The following DONSON variants were observed in gnomAD, a reference collection of about 807,000 sequenced individuals.
The protein encoded by DONSON is DNA replication fork stabilization factor DONSON.
In DONSON, 43 loss-of-function variants were observed where a neutral mutation model predicts 62.1. The ratio of observed to expected loss-of-function variants is 0.69; its 90% CI spans 0.54 to 0.89. The LOEUF (loss-of-function observed/expected upper bound fraction) is 0.89, where lower values mean the gene tolerates loss of function less well. Ranked by LOEUF, DONSON falls within the 40% of genes least tolerant of loss-of-function variation. The pLI, the probability that DONSON is intolerant of heterozygous loss-of-function variation, is 0.00. For synonymous variants in DONSON, 266 were observed against 264.6 expected, an observed-to-expected ratio of 1.01 and a Z score of -0.05; for missense variants, 696 against 697.5, an observed-to-expected ratio of 1.00 and a Z score of 0.03.
chr21:33,583,225 A>AAAAAAAAAAAAAAAAAAAT (rs1209982782), intron 5 of DONSON, among the ~76,000 whole-genome samples: 4 of 139,898 alleles, frequency 2.9e-5, no homozygotes, highest in Non-Finnish European at 4.6e-5. Flanking sequence ...AAAAAAAAAA[A>AAAAAAAAAAAAAAAAAAAT]GAATGATCAT....
rs530532324 is a variant in DONSON, at chr21:33,577,596, TCCC to T, written c.*708_*710del. 1 of 126,858 alleles carries T rather than the reference TCCC, an allele frequency of 7.9e-6. No individual in the cohort carries two copies. The highest frequency in any genetic ancestry group is 2.3e-4 in the East Asian group (1 of 4,260). The allele number at this position is 126,858 out of a possible 1,614,324, so 7.9% of individuals were successfully genotyped here. ...TATTTTAAAAATGTGAATTATACAG[TCCC>T]CCCCTACACACACACACACACACAC... is the stretch of plus-strand genomic sequence containing the variant. On this transcript the variant is annotated 3_prime_UTR_variant, in exon 10 of 10. Transcript: ENST00000303071.
intron 5 of DONSON, 56 bp from the exon 6 acceptor site, chr21:33,582,302 G>A (rs1385577327): frequency 1.9e-5 from 26 of 1,375,256 alleles, no homozygotes; most frequent in Non-Finnish European, 2.3e-5. Context: ...TAACAGGCAT[G>A]CTGTACTTTT....
chr21:33,583,722 T>C (rs2086544278), intron 4 of DONSON, 56 bp from the exon 5 acceptor site: 1 of 1,254,846 alleles, frequency 8.0e-7, no homozygotes, highest in African/African-American at 1.5e-5. Context: ...GCAATGTTTA[T>C]AATTCTGAAT....
In DONSON at chr21:33,588,438, G is replaced by A; in HGVS notation, c.204C>T (p.Ser68=). Reference sequence around the variant, plus strand: ...TCCGAGCAGCGGCCGGGCCGCCGCCGCTGCCACCGCCTCTGCCCCCCGCAG... The same window carrying A: ...TCCGAGCAGCGGCCGGGCCGCCGCCACTGCCACCGCCTCTGCCCCCCGCAG... The part of the protein sequence containing the change: ...FPAAGGRGGG[S]GGGPAAARRN... Residue 68 remains serine (S), a synonymous_variant, in exon 1 of 10, where the codon AGC becomes AGT. Coordinates refer to ENST00000303071, the MANE Select transcript of DONSON (RefSeq NM_017613.4). 5 of 1,309,858 alleles carry A rather than the reference G, an allele frequency of 3.8e-6. No homozygotes were observed. The highest frequency in any genetic ancestry group is 4.9e-6 in the Non-Finnish European group (5 of 1,029,974). The allele number at this position is 1,309,858 out of a possible 1,614,324, so 81.1% of individuals were successfully genotyped here.
Position 33,586,015 on chromosome 21 carries a change from C to T in DONSON, c.569G>A (p.Cys190Tyr), listed in dbSNP as rs1441487879. Residue 190 changes from cysteine (C) to tyrosine (Y), a missense_variant, in exon 3 of 10, where the codon TGT becomes TAT. Coordinates refer to ENST00000303071, the MANE Select transcript of DONSON (RefSeq NM_017613.4). ...QEEAQGLVQHCRATEVTLPKS... is the reference protein window; with the variant it reads ...QEEAQGLVQHYRATEVTLPKS... The stretch of plus-strand genomic sequence containing the variant: ...AGGCAAAGTAACTTCTGTTGCCCTA[C>T]AATGCTGGACAAGACCTTGAGCTTC... 1.2e-5 allele frequency: 20 copies of T among 1,614,198 alleles called. No homozygotes were observed. Among genetic ancestry groups the T allele is most frequent in the Non-Finnish European group, 1.5e-5 (18 of 1,180,034 alleles).
In DONSON at chr21:33,578,546, T is replaced by C. The variant is rs562133251; in HGVS notation, c.1564-102A>G. Reference sequence around the variant, plus strand: ...GACTGACAAATAAATGGCTGATTAATGTGATTCATCCTATTAATAGAAGTT... The same window carrying C: ...GACTGACAAATAAATGGCTGATTAACGTGATTCATCCTATTAATAGAAGTT... On this transcript the variant is annotated intron_variant, in intron 9 of 9. Transcript: ENST00000303071. The C allele has an allele frequency of 5.5e-6, 7 of 1,263,158 alleles. No individual in the cohort carries two copies. The East Asian group carries it at 1.5e-4, about 27-fold the overall frequency. The allele number at this position is 1,263,158 out of a possible 1,614,324, so 78.2% of individuals were successfully genotyped here.
chr21:33,581,801 G>C, intron 7 of DONSON, 150 bp downstream of exon 7: 1 of 731,652 alleles, frequency 1.4e-6, no homozygotes, highest in Non-Finnish European at 2.3e-6. Flanking sequence ...TTGATACTTA[G>C]GGGCTTATTT....
Position 33,588,503 on chromosome 21 carries a change from C to A in DONSON, c.139G>T (p.Ala47Ser). 1 of 1,254,548 alleles carries A rather than the reference C, an allele frequency of 8.0e-7. No homozygotes were observed. Among genetic ancestry groups the A allele is most frequent in the Non-Finnish European group, 1.0e-6 (1 of 1,000,144 alleles). The allele number at this position is 1,254,548 out of a possible 1,614,324, so 77.7% of individuals were successfully genotyped here. Residue 47 changes from alanine to serine, a missense_variant, in exon 1 of 10, where the codon GCC becomes TCC. By Grantham distance (99) the Ala-to-Ser change is moderately conservative (BLOSUM62 1). Coordinates refer to ENST00000303071, the MANE Select transcript of DONSON (RefSeq NM_017613.4). Reference protein sequence around the residue: ...RELTEPAARRAALVAGLPLRP... With the variant: ...RELTEPAARRSALVAGLPLRP... The stretch of plus-strand genomic sequence containing the variant: ...AGAGGCAGCCCCGCCACCAGGGCGG[C>A]TCGGCGGGCCGCCGGCTCCGTCAGC...
At position 33,583,396 on chromosome 21, in the gene DONSON, C is replaced by T. The variant is rs900881766; in HGVS notation, c.964+92G>A. ...TATATTTCTTAATGTTGCTAATCAA[C>T]TGGTAAAAGGCATTTTAAATTTAAA... On this transcript the variant is annotated intron_variant, in intron 5 of 9. Transcript: ENST00000303071. The T allele has an allele frequency of 1.1e-5, 11 of 981,440 alleles. 1 individual carries two copies. The Admixed American group carries it at 3.1e-4, about 27-fold the overall frequency. 60.8% of individuals were successfully genotyped at this position (981,440 alleles called of 1,614,324 possible).
intron 5 of DONSON, among the ~76,000 whole-genome samples, chr21:33,582,844 C>T (rs2086528745): frequency 1.3e-5 from 2 of 152,092 alleles, no homozygotes; most frequent in South Asian, 2.1e-4. Context: ...TAGATTCTCA[C>T]AGGGGCACGA....
chr21:33,578,738 TC>T (rs2145897777), intron 9 of DONSON, among the ~76,000 whole-genome samples: 1 of 152,330 alleles, frequency 6.6e-6, no homozygotes, highest in African/African-American at 2.4e-5. Flanking sequence ...GTGAATTGTT[TC>T]CTTAAACTAT....
Position 33,579,475 on chromosome 21 carries a change from A to C in DONSON, c.1438T>G (p.Ser480Ala). Residue 480 changes from serine (S) to alanine (A), a missense_variant, in exon 9 of 10, where the codon TCT becomes GCT. Transcript: ENST00000303071. ...LEITGPIMPHSLHSLTMLLKS... is the reference protein window; with the variant it reads ...LEITGPIMPHALHSLTMLLKS... ...AGCAGCATGGTCAGTGAATGCAGAG[A>C]ATGAGGCATGATAGGACCTGTAATC... 1 of 1,614,226 alleles carries C rather than the reference A, an allele frequency of 6.2e-7. No homozygotes were observed.
chr21:33,588,284 C>T, intron 1 of DONSON, 37 bp downstream of exon 1: 1 of 1,237,234 alleles, frequency 8.1e-7, no homozygotes. Context: ...CCACGAAAGA[C>T]AAGAGCCCCT....
chr21:33,585,054 A>C (rs977507395), intron 3 of DONSON, among the ~76,000 whole-genome samples: 1 of 152,182 alleles, frequency 6.6e-6, no homozygotes, highest in African/African-American at 2.4e-5. Context: ...AGGGGTGGGC[A>C]TGTGTGTGTA....
At chr21:33,580,618 T>C (rs1041637000) in intron 8 of DONSON, among the ~76,000 whole-genome samples, 1 of 149,744 alleles carries the variant, frequency 6.7e-6, no homozygotes, top group Non-Finnish European at 1.5e-5. Flanking sequence ...AGCAAGACCC[T>C]GTCTCCCCAA....
intron 9 of DONSON, 62 bp downstream of exon 9, chr21:33,579,288 T>C (rs2037226661): frequency 7.7e-7 from 1 of 1,305,222 alleles, no homozygotes; most frequent in African/African-American, 1.5e-5. Context: ...ATGACTCAAT[T>C]TCCCTCCAGC....
In DONSON at chr21:33,582,171, T is replaced by C. The variant is rs1207639195; in HGVS notation, c.1040A>G (p.Tyr347Cys). 8.7e-6 allele frequency: 14 copies of C among 1,614,034 alleles called. No homozygotes were observed. The highest frequency in any genetic ancestry group is 1.1e-5 in the Non-Finnish European group (13 of 1,179,930). ...AGTTATTTTAATCACATACTCCCCATATCCCAAGCTTGTTCCAGATGCTGT... is the reference window on the plus strand; with the variant it reads ...AGTTATTTTAATCACATACTCCCCACATCCCAAGCTTGTTCCAGATGCTGT... ...KETASGTSLG[Y>C]GEEQAISDED... The change falls in exon 6 of 10, where the codon TAT becomes TGT. Residue 347 changes from tyrosine to cysteine, a missense_variant. Tyr to Cys is a radical substitution (Grantham distance 194, BLOSUM62 -2). Transcript: ENST00000303071.
intron 3 of DONSON, among the ~76,000 whole-genome samples, chr21:33,585,518 GT>G (rs1427552481): frequency 1.3e-5 from 2 of 149,998 alleles, no homozygotes; most frequent in African/African-American, 4.9e-5. Flanking sequence ...CAGCCTCCTA[GT>G]TTTGAGTTGA....
intron 2 of DONSON, among the ~76,000 whole-genome samples, chr21:33,586,850 C>CGAA (rs1445887488): frequency 6.9e-6 from 1 of 144,288 alleles, no homozygotes; most frequent in African/African-American, 2.9e-5. Flanking sequence ...ATTGGCCAGG[C>CGAA]TGTTCGCGAA....
Sources: allele counts gnomAD v4.1 joint callset (sites outside exome capture counted in the v4.1 genomes callset), GRCh38; gene constraint gnomAD v4.1.1; transcripts MANE v1.5; gene names NCBI Gene and HGNC (gene_info 2026-07-23, HGNC 2026-07-21).